The following FLNB variants were observed in gnomAD, a reference collection of about 807,000 sequenced individuals.
The protein encoded by FLNB is filamin-B.
In FLNB, 111 loss-of-function variants were observed where a neutral mutation model predicts 250.6. The ratio of observed to expected loss-of-function variants is 0.44; its 90% CI spans 0.38 to 0.52. The LOEUF is 0.52. Among genes scored for constraint, FLNB ranks in the 20% least tolerant of loss-of-function variants. The probability of loss-of-function intolerance (pLI) is 0.00; values close to 1 mark genes in which losing one functional copy is unlikely to be tolerated. For synonymous variants in FLNB, 1,302 were observed against 1,372.1 expected (o/e 0.95, Z 1.13); for missense variants, 2,869 against 3,447.8 (o/e 0.83, Z 4.20).
At chr3:58,033,450 G>T (rs931044889) in intron 1 of FLNB, among the ~76,000 whole-genome samples, 2 of 151,612 alleles carry the variant, frequency 1.3e-5, no homozygotes, top group African/African-American at 2.4e-5. Flanking sequence ...GAGTGCAGTG[G>T]TGCGACCTCG....
Position 58,112,232 on chromosome 3 carries a change from C to T in FLNB, c.2659C>T (p.Pro887Ser). The T allele has an allele frequency of 6.2e-7, 1 of 1,613,998 alleles. No individual in the cohort carries two copies. The highest frequency in any genetic ancestry group is 8.5e-7 in the Non-Finnish European group (1 of 1,179,914). ...CCCGCTCAACGTGCAGTTCAACAGC[C>T]CTCTTCCTGGCGATGCAGTGAAGGA... is the stretch of plus-strand genomic sequence containing the variant. ...KAPLNVQFNS[P>S]LPGDAVKDLD... The change falls in exon 18 of 46, where the codon CCT becomes TCT. Residue 887 changes from proline to serine, a missense_variant. By Grantham distance (74) the Pro-to-Ser change is moderately conservative. Transcript: ENST00000295956.
chr3:58,062,243 G>A (rs189606755), intron 1 of FLNB, among the ~76,000 whole-genome samples: 53 of 152,306 alleles, frequency 3.5e-4, no homozygotes, highest in African/African-American at 1.1e-3. Context: ...TTCAGATGCA[G>A]TCATGACTTC....
intron 1 of FLNB, among the ~76,000 whole-genome samples, chr3:58,012,921 C>T: frequency 6.6e-6 from 1 of 152,212 alleles, no homozygotes. Context: ...AGGACTCTGG[C>T]TTTTCTGCCT....
intron 1 of FLNB, among the ~76,000 whole-genome samples, chr3:58,073,574 AT>A (rs71091339): frequency 4.1e-3 from 588 of 143,704 alleles, no homozygotes; most frequent in Admixed American, 5.4e-3. Context: ...GAAGTTCTTA[AT>A]TTTTTTTTTT....
chr3:58,150,337 G>T, intron 38 of FLNB, 110 bp downstream of exon 38: 1 of 1,262,430 alleles, frequency 7.9e-7, no homozygotes, highest in Non-Finnish European at 1.2e-6. Flanking sequence ...TATCCAAGTC[G>T]GCTGTGCTGA....
At chr3:58,046,963 T>C (rs2097155265) in intron 1 of FLNB, among the ~76,000 whole-genome samples, 1 of 152,374 alleles carries the variant, frequency 6.6e-6, no homozygotes, top group African/African-American at 2.4e-5. Context: ...CTGTACTTTA[T>C]TCTTTTTTAC....
In FLNB at chr3:58,171,237, T is replaced by TA. The variant is rs368415097; in HGVS notation, c.*477dup. 5.1e-6 allele frequency: 1 copy of TA among 195,602 alleles called. No individual in the cohort carries two copies. Among genetic ancestry groups the TA allele is most frequent in the African/African-American group, 2.4e-5 (1 of 42,446 alleles). 12.1% of individuals were successfully genotyped at this position (195,602 alleles called of 1,614,324 possible). On this transcript the variant is annotated 3_prime_UTR_variant, in exon 46 of 46. Coordinates refer to ENST00000295956, the MANE Select transcript of FLNB (RefSeq NM_001457.4). This position sits in a 1 kb window ranked among gnomAD's most constrained non-coding sequence, Gnocchi z 5.5. The stretch of plus-strand genomic sequence containing the variant: ...GCTTAATCTCTTCCAGTGTCCGTGT[T>TA]AATGTATTTGGCTATTAGATCACTA...
chr3:58,134,465 C>G, intron 26 of FLNB, 151 bp from the exon 27 acceptor site: 1 of 898,002 alleles, frequency 1.1e-6, no homozygotes, highest in Non-Finnish European at 1.8e-6. Flanking sequence ...TTGTAAATTT[C>G]TGCTAGACTT....
chr3:58,118,274 A>T (rs1160076555), intron 18 of FLNB, among the ~76,000 whole-genome samples: 2 of 152,232 alleles, frequency 1.3e-5, no homozygotes, highest in Admixed American at 1.3e-4. Flanking sequence ...TGGTCTTAGC[A>T]CAGGTCTAGG....
rs772236484 is a variant in FLNB, at chr3:58,123,268, C to T, written c.3302C>T (p.Pro1101Leu). ...GDGTCSVSYL[P>L]TKPGEYFVNI... is the part of the protein sequence containing the mutation. ...GGGACCTGCTCCGTCTCTTACCTTC[C>T]CACAAAACCCGGGGAGTACTTCGTC... The change falls in exon 21 of 46, where the codon CCC (proline) becomes CTC (leucine). Residue 1101 changes from proline to leucine, a missense_variant. Physicochemically the swap from Pro to Leu is moderately conservative, Grantham distance 98. Transcript: ENST00000295956. 3 of 1,614,168 alleles carry T rather than the reference C, an allele frequency of 1.9e-6. No homozygotes were observed. The South Asian group carries it at 3.3e-5, about 18-fold the overall frequency.
chr3:58,145,894 TTTTG>T, intron 32 of FLNB, 23 bp from the exon 33 acceptor site: 1 of 1,613,970 alleles, frequency 6.2e-7, no homozygotes, highest in Non-Finnish European at 8.5e-7. Flanking sequence ...TGAGCACCAA[TTTTG>T]TTTGTGTCCT....
At chr3:58,149,149 C>G (rs367960861) in intron 36 of FLNB, 48 of 425,016 alleles carry the variant, frequency 1.1e-4, no homozygotes, top group African/African-American at 9.1e-4. Context: ...CTCTCCCACC[C>G]TTGTTCTCAG....
chr3:58,105,164 G>A lies in FLNB; in HGVS notation c.1695G>A (p.Gly565=). 6.2e-7 allele frequency: 1 copy of A among 1,614,236 alleles called. No homozygotes were observed. Among genetic ancestry groups the A allele is most frequent in the Non-Finnish European group, 8.5e-7 (1 of 1,180,046 alleles). ...WGPGLHGGIV[G]RSADFVVESI... ...CTGGGCTCCATGGTGGGATTGTCGG[G>A]CGGTCAGCGGACTTCGTGGTAGAAT... The change falls in exon 11 of 46, where the codon GGG becomes GGA. Residue 565 remains glycine (G), a synonymous_variant. Coordinates refer to ENST00000295956, the MANE Select transcript of FLNB (RefSeq NM_001457.4).
chr3:58,132,391 A>T, intron 25 of FLNB: 1 of 400,436 alleles, frequency 2.5e-6, no homozygotes, highest in Non-Finnish European at 4.7e-6. Flanking sequence ...CCATTGGTTA[A>T]TTTTTGCTCT....
At chr3:58,069,399 C>A (rs546057128) in intron 1 of FLNB, among the ~76,000 whole-genome samples, 7 of 152,116 alleles carry the variant, frequency 4.6e-5, no homozygotes, top group African/African-American at 7.2e-5. Flanking sequence ...CACCGCCATG[C>A]CTGGCTGATT....
In FLNB at chr3:58,169,570, C is replaced by T; in HGVS notation, c.7418-20C>T. ...TTGATCTGGCCATTCATGCCTGTCC[C>T]CCTCCCTCCTGTATCTTAGGCCAGC... On this transcript the variant is annotated intron_variant, in intron 44 of 45. Transcript: ENST00000295956. The surrounding 1 kb of genome is among the most constrained non-coding windows in gnomAD (Gnocchi z 4.8). 6.2e-7 allele frequency: 1 copy of T among 1,604,976 alleles called. No homozygotes were observed. Among genetic ancestry groups the T allele is most frequent in the Non-Finnish European group, 8.5e-7 (1 of 1,171,608 alleles).
At chr3:58,148,994 T>A in intron 36 of FLNB, 142 bp downstream of exon 36, 1 of 786,206 alleles carries the variant, frequency 1.3e-6, no homozygotes, top group Non-Finnish European at 2.2e-6. Flanking sequence ...TGCATTGTCT[T>A]TTATGCCTCA....
intron 1 of FLNB, among the ~76,000 whole-genome samples, chr3:58,030,522 C>T (rs928549143): frequency 7.2e-5 from 11 of 152,062 alleles, no homozygotes; most frequent in African/African-American, 2.7e-4. Flanking sequence ...TGGATGGAGT[C>T]GCTTCTTTTG....
Position 58,105,152 on chromosome 3 carries a change from T to G in FLNB, c.1683T>G (p.Gly561=), listed in dbSNP as rs755587215. Residue 561 remains glycine, a synonymous_variant, in exon 11 of 46, where the codon GGT becomes GGG. Transcript: ENST00000295956. ...GTGCTTGGGGCCCTGGGCTCCATGG[T>G]GGGATTGTCGGGCGGTCAGCGGACT... The part of the protein sequence containing the change: ...KVRAWGPGLH[G]GIVGRSADFV... 5.6e-6 allele frequency: 9 copies of G among 1,614,172 alleles called. No homozygotes were observed. The Admixed American group carries it at 1.5e-4, about 27-fold the overall frequency.
Sources: allele counts gnomAD v4.1 joint callset (sites outside exome capture counted in the v4.1 genomes callset), GRCh38; gene constraint gnomAD v4.1.1; non-coding constraint Gnocchi (gnomAD v3.1); transcripts MANE v1.5; gene names NCBI Gene and HGNC (gene_info 2026-07-23, HGNC 2026-07-21).